MTUS2: variants seen among roughly 807,000 people sequenced by gnomAD.
MTUS2 encodes microtubule associated scaffold protein 2, also known as microtubule-associated tumor suppressor candidate 2.
A neutral mutation model predicts 114.1 loss-of-function variants in MTUS2; 40 were observed. That is an observed-to-expected ratio of 0.35 (90% CI 0.27 to 0.46). MTUS2 has a LOEUF of 0.46. Ranked by LOEUF, MTUS2 falls within the 20% of genes least tolerant of loss-of-function variation. The pLI is 1.00. For synonymous variants in MTUS2, 688 were observed against 672.0 expected (o/e 1.02, Z -0.37); for missense variants, 1,679 against 1,705.4 (o/e 0.98, Z 0.27).
chr13:29,030,415 A>T (rs1204994511), intron 3 of MTUS2, among the ~76,000 whole-genome samples: 1 of 152,108 alleles, frequency 6.6e-6, no homozygotes, highest in Non-Finnish European at 1.5e-5. Context: ...GTATCTGGGG[A>T]CCATTTTCTG....
chr13:29,173,371 T>A (rs1418244962), intron 5 of MTUS2, among the ~76,000 whole-genome samples: 1 of 152,190 alleles, frequency 6.6e-6, no homozygotes, highest in African/African-American at 2.4e-5. Context: ...TTTTGTTTTC[T>A]CTTTAGGTCT....
intron 5 of MTUS2, among the ~76,000 whole-genome samples, chr13:29,251,292 G>GATAATAATAATAATAATAATAATA (rs10526021): frequency 2.3e-4 from 34 of 146,506 alleles, no homozygotes; most frequent in African/African-American, 7.8e-4. Flanking sequence ...ATGGGATGAT[G>GATAATAATAATAATAATAATAATA]ATAATAATAA....
chr13:29,353,505 T>G (rs1222774701), intron 7 of MTUS2, among the ~76,000 whole-genome samples: 2 of 152,180 alleles, frequency 1.3e-5, no homozygotes, highest in Non-Finnish European at 2.9e-5. Flanking sequence ...CTTCCTGTGT[T>G]GCCCAGATTG....
chr13:29,457,102 G>T (rs1284909609), intron 9 of MTUS2, among the ~76,000 whole-genome samples: 1 of 147,826 alleles, frequency 6.8e-6, no homozygotes, highest in Non-Finnish European at 1.5e-5. Flanking sequence ...CCGAGATCGC[G>T]ACACTGCACT....
At chr13:29,031,272 T>TGTGTGTGTGTGTG (rs1593400903) in intron 3 of MTUS2, among the ~76,000 whole-genome samples, 3 of 134,212 alleles carry the variant, frequency 2.2e-5, no homozygotes, top group Non-Finnish European at 3.2e-5. Context: ...GTGTGTGTGG[T>TGTGTGTGTGTGTG]GTGTGTTCAC....
intron 5 of MTUS2, among the ~76,000 whole-genome samples, chr13:29,125,151 G>GT (rs1891463471): frequency 6.6e-6 from 1 of 152,308 alleles, no homozygotes; most frequent in South Asian, 2.1e-4. Context: ...TTATTTAGTT[G>GT]TTAATAAAGA....
chr13:29,228,306 C>A (rs1896190510), intron 5 of MTUS2, among the ~76,000 whole-genome samples: 1 of 152,106 alleles, frequency 6.6e-6, no homozygotes, highest in African/African-American at 2.4e-5. Flanking sequence ...AAGTAAAATG[C>A]AAGAAAGTGT....
intron 6 of MTUS2, among the ~76,000 whole-genome samples, chr13:29,313,985 C>A (rs1899882389): frequency 1.3e-5 from 2 of 152,128 alleles, no homozygotes; most frequent in South Asian, 4.1e-4. Context: ...ATGAAGAAAT[C>A]TTCAGCTTTG....
chr13:29,145,484 C>G (rs745486950), intron 5 of MTUS2, among the ~76,000 whole-genome samples: 2 of 152,096 alleles, frequency 1.3e-5, no homozygotes, highest in African/African-American at 2.4e-5. Context: ...TGTGCCACTG[C>G]ACTCCAGCCT....
intron 2 of MTUS2, among the ~76,000 whole-genome samples, chr13:29,009,875 T>C (rs1885762106): frequency 1.3e-5 from 2 of 152,082 alleles, no homozygotes; most frequent in South Asian, 4.1e-4. Context: ...ATATTATGTG[T>C]TGTATGCCTT....
intron 2 of MTUS2, among the ~76,000 whole-genome samples, chr13:28,981,743 T>C (rs1397749325): frequency 6.6e-6 from 1 of 152,178 alleles, no homozygotes; most frequent in African/African-American, 2.4e-5. Context: ...CTTGCACTTT[T>C]CTAGCTGTCA....
chr13:29,221,373 A>G (rs1895901486), intron 5 of MTUS2, among the ~76,000 whole-genome samples: 1 of 152,226 alleles, frequency 6.6e-6, no homozygotes, highest in Non-Finnish European at 1.5e-5. Context: ...TTTATTCTCC[A>G]TTTTTGGTGA....
chr13:28,909,302 T>G (rs1441926824), intron 2 of MTUS2, among the ~76,000 whole-genome samples: 1 of 151,852 alleles, frequency 6.6e-6, no homozygotes, highest in Non-Finnish European at 1.5e-5. Flanking sequence ...TTTCACGATA[T>G]TGATTCTTCC....
intron 5 of MTUS2, among the ~76,000 whole-genome samples, chr13:29,118,703 A>G (rs1323369887): frequency 1.3e-5 from 2 of 152,128 alleles, no homozygotes; most frequent in Non-Finnish European, 1.5e-5. Flanking sequence ...GAGCATGGAA[A>G]TTGGCATGGC....
intron 9 of MTUS2, among the ~76,000 whole-genome samples, chr13:29,458,493 C>T (rs952378809): frequency 6.6e-6 from 1 of 152,016 alleles, no homozygotes; most frequent in East Asian, 1.9e-4. Context: ...AAGATTGTAA[C>T]AGAAAATGAG....
chr13:29,341,309 A>C (rs117445771), intron 7 of MTUS2, among the ~76,000 whole-genome samples: 2,237 of 152,220 alleles, frequency 0.015, 31 homozygotes, highest in Middle Eastern at 0.044. Flanking sequence ...CCCCACCAAC[A>C]TCTATTGTTT....
chr13:29,146,519 T>C (rs1892440105), intron 5 of MTUS2, among the ~76,000 whole-genome samples: 3 of 152,204 alleles, frequency 2.0e-5, no homozygotes, highest in Admixed American at 1.3e-4. Flanking sequence ...GGCATCCAAT[T>C]TCAGCAGCTG....
intron 4 of MTUS2, among the ~76,000 whole-genome samples, chr13:29,044,712 A>G (rs1023802224): frequency 1.4e-4 from 21 of 152,128 alleles, no homozygotes; most frequent in African/African-American, 5.1e-4. Flanking sequence ...TTAAAATAAC[A>G]TTTATTTACT....
At chr13:29,245,593 C>A (rs1323157601) in intron 5 of MTUS2, among the ~76,000 whole-genome samples, 1 of 152,202 alleles carries the variant, frequency 6.6e-6, no homozygotes, top group Admixed American at 6.5e-5. Flanking sequence ...CTTTGAAGAT[C>A]CCTCTATCAC....
Sources: allele counts gnomAD v4.1 joint callset (sites outside exome capture counted in the v4.1 genomes callset), GRCh38; gene constraint gnomAD v4.1.1; transcripts MANE v1.5; gene names NCBI Gene and HGNC (gene_info 2026-07-23, HGNC 2026-07-21).